Variants in ANKS1B observed in about 807,000 individuals in gnomAD.
ANKS1B encodes ankyrin repeat and sterile alpha motif domain-containing protein 1B.
A neutral mutation model predicts 148.3 loss-of-function variants in ANKS1B; 36 were observed. The observed-to-expected ratio is 0.24, with a 90% CI of 0.19 to 0.32. ANKS1B has a LOEUF of 0.32. Ranked by LOEUF, ANKS1B falls within the 10% of genes least tolerant of loss-of-function variation. ANKS1B has a pLI of 1.00. For synonymous variants in ANKS1B, 542 were observed against 560.8 expected, an observed-to-expected ratio of 0.97 and a Z score of 0.47; for missense variants, 1,157 against 1,542.6, an observed-to-expected ratio of 0.75 and a Z score of 4.19.
At chr12:99,625,496 ATCAC>A (rs1167404304) in intron 9 of ANKS1B, among the ~76,000 whole-genome samples, 2 of 152,182 alleles carry the variant, frequency 1.3e-5, no homozygotes, top group African/African-American at 2.4e-5. Flanking sequence ...CAAAATTTAT[ATCAC>A]TGCATCCTTC....
intron 14 of ANKS1B, among the ~76,000 whole-genome samples, chr12:99,201,891 T>C (rs1460960343): frequency 2.0e-5 from 3 of 151,604 alleles, no homozygotes; most frequent in Admixed American, 6.6e-5. Context: ...CTGTGTAAAA[T>C]AAACACTGCT....
intron 10 of ANKS1B, among the ~76,000 whole-genome samples, chr12:99,472,982 T>G (rs988115865): frequency 1.3e-5 from 2 of 152,092 alleles, no homozygotes; most frequent in Admixed American, 1.3e-4. Flanking sequence ...TACTTTGATT[T>G]ACTTATATTT....
chr12:99,656,672 A>G (rs2098451086), intron 8 of ANKS1B, among the ~76,000 whole-genome samples: 1 of 152,172 alleles, frequency 6.6e-6, no homozygotes, highest in Admixed American at 6.5e-5. Context: ...GGGAGGGTCA[A>G]AGAAATAAAG....
chr12:99,217,420 T>C (rs1345632909), intron 14 of ANKS1B, among the ~76,000 whole-genome samples: 1 of 152,030 alleles, frequency 6.6e-6, no homozygotes, highest in African/African-American at 2.4e-5. Flanking sequence ...CCCATGGAAA[T>C]GTTTTCTCAA....
intron 1 of ANKS1B, among the ~76,000 whole-genome samples, chr12:99,871,636 A>G (rs2091529234): frequency 6.6e-6 from 1 of 152,132 alleles, no homozygotes; most frequent in South Asian, 2.1e-4. Context: ...CTCCTTGATT[A>G]GCAGTATTCC....
Position 99,593,144 on chromosome 12 carries a change from C to T in ANKS1B, c.1272+61923G>A, listed in dbSNP as rs142463522. On this transcript the variant is annotated intron_variant, in intron 9 of 26. Coordinates refer to ENST00000683438, the MANE Select transcript of ANKS1B (RefSeq NM_001352186.2). ...AAATAGAGGAGAGTATAATGAGGCA[C>T]GTCCATCCCTCAACCCCCATCATGG... 8.4e-4 allele frequency among the ~76,000 whole-genome samples: 128 copies of T among 152,112 alleles called. 1 individual carries two copies. The highest frequency in any genetic ancestry group is 2.7e-3 in the African/African-American group (112 of 41,496).
At chr12:99,602,737 A>G (rs1374864067) in intron 9 of ANKS1B, among the ~76,000 whole-genome samples, 1 of 152,140 alleles carries the variant, frequency 6.6e-6, no homozygotes, top group Non-Finnish European at 1.5e-5. Flanking sequence ...TTTAATTTCA[A>G]TGATATCAAG....
chr12:99,907,812 TAAAAA>T lies in ANKS1B; in HGVS notation c.134+76287_134+76291del, dbSNP rs751468199. 6.1e-3 allele frequency among the ~76,000 whole-genome samples: 610 copies of T among 100,160 alleles called. 6 individuals are homozygous for T. Among genetic ancestry groups the T allele is most frequent in the African/African-American group, 0.021 (546 of 26,404 alleles). The allele number at this position is 100,160 out of a possible 152,430, so 65.7% of individuals were successfully genotyped here. ...GTTTTCTCCTCTCCAGAGAAATTCT[TAAAAA>T]AAAAAAAAAAAAAAAAAAAAACTGT... On this transcript the variant is annotated intron_variant, in intron 1 of 26. Coordinates refer to ENST00000683438, the MANE Select transcript of ANKS1B (RefSeq NM_001352186.2).
At chr12:99,980,639 A>G (rs189076644) in intron 1 of ANKS1B, among the ~76,000 whole-genome samples, 30 of 152,172 alleles carry the variant, frequency 2.0e-4, no homozygotes, top group Admixed American at 1.6e-3. Flanking sequence ...AAAGAAGGAA[A>G]GAGAGAGTAG....
intron 12 of ANKS1B, among the ~76,000 whole-genome samples, chr12:99,289,897 A>G (rs1219052791): frequency 6.6e-6 from 1 of 151,956 alleles, no homozygotes; most frequent in Non-Finnish European, 1.5e-5. Context: ...AACAAACACA[A>G]AATTACTAGA....
rs145092927 is a variant in ANKS1B at position 99,571,694 on chromosome 12, T to C, written c.1273-67053A>G. Among the ~76,000 whole-genome samples, 1,351 of 152,278 alleles carry C rather than the reference T, an allele frequency of 8.9e-3. 12 individuals are homozygous for C. Among genetic ancestry groups the C allele is most frequent in the African/African-American group, 0.031 (1,292 of 41,568 alleles). On this transcript the variant is annotated intron_variant, in intron 9 of 26. Transcript: ENST00000683438. ...AGAAAATGATTCTTCTTAAAGGGAC[T>C]TGATTATTTCAATGATCATAGAGCT...
intron 17 of ANKS1B, among the ~76,000 whole-genome samples, chr12:98,895,693 A>C (rs543017149): frequency 2.6e-5 from 4 of 152,280 alleles, no homozygotes; most frequent in African/African-American, 9.6e-5. Context: ...GATTTTGATA[A>C]GGTTCAAATA....
At chr12:99,027,076 G>A (rs1313769600) in intron 17 of ANKS1B, among the ~76,000 whole-genome samples, 1 of 152,136 alleles carries the variant, frequency 6.6e-6, no homozygotes, top group Admixed American at 6.6e-5. Flanking sequence ...TCAAATAATA[G>A]AGATCCAGAA....
chr12:99,920,031 C>T (rs915563770), intron 1 of ANKS1B, among the ~76,000 whole-genome samples: 2 of 152,092 alleles, frequency 1.3e-5, no homozygotes, highest in African/African-American at 4.8e-5. Context: ...CCTAATTTAA[C>T]TTGAACAGCA....
chr12:99,803,284 C>CCA (rs57683762), intron 4 of ANKS1B, among the ~76,000 whole-genome samples: 59 of 121,944 alleles, frequency 4.8e-4, no homozygotes, highest in Admixed American at 8.1e-4. Context: ...CACCCCCCCC[C>CCA]AAAAAAAAAG....
chr12:99,704,660 C>A (rs1297579019), intron 8 of ANKS1B, among the ~76,000 whole-genome samples: 2 of 152,020 alleles, frequency 1.3e-5, no homozygotes, highest in Non-Finnish European at 1.5e-5. Context: ...TCCCTTGCAT[C>A]ACAAAATGAG....
intron 9 of ANKS1B, among the ~76,000 whole-genome samples, chr12:99,632,376 A>G (rs1047006159): frequency 6.6e-6 from 1 of 152,000 alleles, no homozygotes; most frequent in Non-Finnish European, 1.5e-5. Flanking sequence ...CTAGAGCAAG[A>G]AAAAGTGGAA....
intron 1 of ANKS1B, among the ~76,000 whole-genome samples, chr12:99,879,285 C>T (rs957913911): frequency 2.6e-5 from 4 of 152,100 alleles, no homozygotes. Context: ...TAGAACTCAG[C>T]ACAGGAAGGC....
intron 17 of ANKS1B, among the ~76,000 whole-genome samples, chr12:98,946,068 C>G (rs1277818158): frequency 6.6e-6 from 1 of 152,184 alleles, no homozygotes; most frequent in African/African-American, 2.4e-5. Context: ...ATCCCTATTC[C>G]CAGTGAGGCA....
Sources: gnomAD v4.1 joint callset for allele counts (sites outside exome capture counted in the v4.1 genomes callset) on GRCh38, gnomAD v4.1.1 for gene constraint, MANE v1.5 for transcripts, NCBI Gene and HGNC (gene_info 2026-07-23, HGNC 2026-07-21) for gene names.